Variants in MIPEP observed in about 807,000 individuals in gnomAD.
MIPEP encodes mitochondrial intermediate peptidase.
In MIPEP, 79 loss-of-function variants were observed where a neutral mutation model predicts 90.3. The ratio of observed to expected loss-of-function variants is 0.87; its 90% CI spans 0.73 to 1.05. The LOEUF (loss-of-function observed/expected upper bound fraction) is 1.05. Among genes scored for constraint, MIPEP ranks in the 50% least tolerant of loss-of-function variants. The probability of loss-of-function intolerance (pLI) is 0.00; values close to 1 mark genes in which losing one functional copy is unlikely to be tolerated. For missense variants in MIPEP, 940 were observed against 905.6 expected (o/e 1.04, Z -0.49); for synonymous variants, 334 against 315.8 (o/e 1.06, Z -0.61).
intron 16 of MIPEP, among the ~76,000 whole-genome samples, chr13:23,789,756 T>C (rs1176642651): frequency 6.6e-6 from 1 of 152,192 alleles, no homozygotes; most frequent in African/African-American, 2.4e-5. Flanking sequence ...GTTTGGGGCT[T>C]TCCTCATCCT....
intron 9 of MIPEP, among the ~76,000 whole-genome samples, chr13:23,861,459 T>C (rs1870301097): frequency 6.6e-6 from 1 of 152,160 alleles, no homozygotes; most frequent in African/African-American, 2.4e-5. Flanking sequence ...GCTCCTTCCA[T>C]AAATTAACAG....
intron 18 of MIPEP, among the ~76,000 whole-genome samples, chr13:23,745,725 C>T (rs1260994972): frequency 6.6e-6 from 1 of 151,824 alleles, no homozygotes. Context: ...GTCAGGAGTT[C>T]GAGACCAGCC....
At chr13:23,757,030 G>A (rs532317529) in intron 17 of MIPEP, among the ~76,000 whole-genome samples, 4 of 152,178 alleles carry the variant, frequency 2.6e-5, no homozygotes, top group Admixed American at 6.5e-5. Flanking sequence ...TTACATTTAC[G>A]GTGCACTTTA....
chr13:23,805,852 GGGA>G, intron 16 of MIPEP, 95 bp downstream of exon 16: 4 of 1,316,766 alleles, frequency 3.0e-6, no homozygotes, highest in Non-Finnish European at 4.2e-6. Flanking sequence ...CATAAATGTA[GGGA>G]TTTCAAGTTC....
chr13:23,865,305 T>G (rs1870483452), intron 7 of MIPEP, among the ~76,000 whole-genome samples: 1 of 152,222 alleles, frequency 6.6e-6, no homozygotes, highest in African/African-American at 2.4e-5. Context: ...TGCCCTCTCT[T>G]CAATTTAAGT....
rs183475554 is a variant in MIPEP at position 23,836,422 on chromosome 13, A to C, written c.1544-73T>G. On this transcript the variant is annotated intron_variant, in intron 13 of 18. Transcript: ENST00000382172. Reference sequence around the variant, plus strand: ...TTATCTACTTTTTGTGTGCCCTTTAAAACTTTTATTTGTACTTCTGATGAA... The same window carrying C: ...TTATCTACTTTTTGTGTGCCCTTTACAACTTTTATTTGTACTTCTGATGAA... 2.1e-3 allele frequency: 1,625 copies of C among 781,302 alleles called. 21 individuals carry two copies. The African/African-American group carries it at 0.026, about 12-fold the overall frequency. The allele number at this position is 781,302 out of a possible 1,614,324, so 48.4% of individuals were successfully genotyped here. A position where few individuals can be genotyped will look rare whatever the true frequency, so the allele number is the denominator to read the frequency against.
chr13:23,772,046 C>T (rs1036437355), intron 16 of MIPEP, among the ~76,000 whole-genome samples: 1 of 148,528 alleles, frequency 6.7e-6, no homozygotes, highest in East Asian at 1.9e-4. Context: ...TCCGTAACAA[C>T]TGCCCCCCCA....
chr13:23,862,379 T>C lies in MIPEP; in HGVS notation c.993-17A>G. 1 of 1,500,802 alleles carries C rather than the reference T, an allele frequency of 6.7e-7. No individual in the cohort carries two copies. Among genetic ancestry groups the C allele is most frequent in the Non-Finnish European group, 9.2e-7 (1 of 1,092,208 alleles). The allele number at this position is 1,500,802 out of a possible 1,614,324, so 93.0% of individuals were successfully genotyped here. ...TTCAGAGTTCTATAAAACAGGTTTA[T>C]CATTACTTGTTAGGACAAAATTTTA... On this transcript the variant is annotated splice_polypyrimidine_tract_variant and intron_variant, in intron 8 of 18. Coordinates refer to ENST00000382172, the MANE Select transcript of MIPEP (RefSeq NM_005932.4).
intron 16 of MIPEP, among the ~76,000 whole-genome samples, chr13:23,783,402 C>A (rs540285601): frequency 2.0e-5 from 3 of 152,156 alleles, no homozygotes; most frequent in Non-Finnish European, 4.4e-5. Flanking sequence ...AATTCAACAG[C>A]CTTCATGTTA....
At chr13:23,826,231 A>G (rs1163253716) in intron 14 of MIPEP, among the ~76,000 whole-genome samples, 4 of 152,176 alleles carry the variant, frequency 2.6e-5, no homozygotes, top group Non-Finnish European at 5.9e-5. Flanking sequence ...TTATATATCT[A>G]TCATTCTCAT....
At chr13:23,781,287 G>C (rs536761396) in intron 16 of MIPEP, among the ~76,000 whole-genome samples, 39 of 152,302 alleles carry the variant, frequency 2.6e-4, no homozygotes, top group Admixed American at 2.5e-3. Context: ...AGAAGAGAGT[G>C]GGGGCCAATA....
intron 16 of MIPEP, among the ~76,000 whole-genome samples, chr13:23,792,426 G>A (rs1952906581): frequency 6.6e-6 from 1 of 152,156 alleles, no homozygotes; most frequent in African/African-American, 2.4e-5. Flanking sequence ...GCAGGGTCTT[G>A]CCCAGGCTAG....
chr13:23,873,136 T>C (rs1870905762), intron 5 of MIPEP, among the ~76,000 whole-genome samples: 1 of 152,196 alleles, frequency 6.6e-6, no homozygotes, highest in South Asian at 2.1e-4. Flanking sequence ...AGCTTCGCAA[T>C]GTGGCGTGAG....
intron 18 of MIPEP, among the ~76,000 whole-genome samples, chr13:23,744,537 A>G (rs1159137512): frequency 1.3e-5 from 2 of 152,200 alleles, no homozygotes; most frequent in African/African-American, 4.8e-5. Flanking sequence ...TCTCAGGCAA[A>G]TAAGTTACTT....
intron 15 of MIPEP, among the ~76,000 whole-genome samples, chr13:23,806,580 A>C (rs1953109781): frequency 6.6e-6 from 1 of 151,710 alleles, no homozygotes; most frequent in African/African-American, 2.4e-5. Flanking sequence ...CGGGAGGCTG[A>C]GGCAGGAGAA....
Position 23,879,956 on chromosome 13 carries a change from A to G in MIPEP, c.453-602T>C, listed in dbSNP as rs562034771. ...CTGGGCAGTGGTCCCAACCCACCCC[A>G]TAGTACCACTAGCAGGAACCCAGTC... On this transcript the variant is annotated intron_variant, in intron 3 of 18. Transcript: ENST00000382172. Among the ~76,000 whole-genome samples, 385 of 152,260 alleles carry G rather than the reference A, an allele frequency of 2.5e-3. 2 individuals carry two copies. The highest frequency in any genetic ancestry group is 0.01 in the Middle Eastern group (3 of 294).
rs180900648 is a variant in MIPEP, at chr13:23,854,052, G to A, written c.1106+4808C>T. On this transcript the variant is annotated intron_variant, in intron 10 of 18. Coordinates refer to ENST00000382172, the MANE Select transcript of MIPEP (RefSeq NM_005932.4). ...GAAAAATCTTGGTAATTGGCCAGGCGCGGTGGCTCACGCCTGTAATCCCAG... is the reference window on the plus strand; with the variant it reads ...GAAAAATCTTGGTAATTGGCCAGGCACGGTGGCTCACGCCTGTAATCCCAG... Among the ~76,000 whole-genome samples, 51 of 151,970 alleles carry A rather than the reference G, an allele frequency of 3.4e-4. 1 individual carries two copies. The East Asian group carries it at 4.5e-3, about 13-fold the overall frequency.
Position 23,839,707 on chromosome 13 carries a change from T to C in MIPEP, c.1280A>G (p.Glu427Gly), listed in dbSNP as rs759369349. The C allele has an allele frequency of 6.2e-7, 1 of 1,612,500 alleles. No homozygotes were observed. Among genetic ancestry groups the C allele is most frequent in the Admixed American group, 1.7e-5 (1 of 59,762 alleles). Residue 427 changes from glutamate (E) to glycine (G), a missense_variant, in exon 12 of 19, where the codon GAA becomes GGA. Glu to Gly is a moderately conservative substitution (Grantham distance 98). Transcript: ENST00000382172. ...ACAGTAAATGTACCCCAACAATCCT[T>C]CAGATTCATGAACAACAGCCTAGAA... ...VRKLAVVHESEGLLGYIYCDF... is the reference protein window; with the variant it reads ...VRKLAVVHESGGLLGYIYCDF...
chr13:23,764,604 G>A (rs962784871), intron 16 of MIPEP, among the ~76,000 whole-genome samples: 3 of 152,172 alleles, frequency 2.0e-5, no homozygotes, highest in Non-Finnish European at 4.4e-5. Context: ...TGTGACTCAG[G>A]CTGGAGTGCA....
Sources: gnomAD v4.1 joint callset for allele counts (sites outside exome capture counted in the v4.1 genomes callset) on GRCh38, gnomAD v4.1.1 for gene constraint, MANE v1.5 for transcripts, NCBI Gene and HGNC (gene_info 2026-07-23, HGNC 2026-07-21) for gene names.